The following IKBKB variants were observed in gnomAD, a reference collection of about 807,000 sequenced individuals.
IKBKB encodes the protein inhibitor of nuclear factor kappa B kinase subunit beta.
Under a neutral mutation model 113.6 loss-of-function variants are expected in IKBKB, and 42 were observed. That is an observed-to-expected ratio of 0.37 (90% CI 0.29 to 0.48). The LOEUF is 0.48. Ranked by LOEUF, IKBKB falls within the 20% of genes least tolerant of loss-of-function variation. The pLI is 0.99. For missense variants in IKBKB, 673 were observed against 939.7 expected (o/e 0.72, Z 3.71); for synonymous variants, 296 against 361.3 (o/e 0.82, Z 2.05).
Position 42,319,367 on chromosome 8 carries a change from A to G in IKBKB, c.1462A>G (p.Thr488Ala). 2 of 1,614,196 alleles carry G rather than the reference A, an allele frequency of 1.2e-6. No individual in the cohort carries two copies. Among genetic ancestry groups the G allele is most frequent in the East Asian group, 2.2e-5 (1 of 44,892 alleles). Residue 488 changes from threonine (T) to alanine (A), a missense_variant, in exon 14 of 22, where the codon ACC becomes GCC. Transcript: ENST00000520810. ...CAAGGCCAAGTTGGATTTCTTCAAA[A>G]CCAGCATCCAGATTGACCTGGAGAA... ...QLKAKLDFFK[T>A]SIQIDLEKYS...
intron 21 of IKBKB, chr8:42,330,059 C>T (rs530692609): frequency 1.0e-6 from 1 of 985,402 alleles, no homozygotes; most frequent in East Asian, 1.1e-4. Context: ...CAGTTCATTG[C>T]TTACTTGCAT....
chr8:42,308,868 G>A (rs1817102984), intron 7 of IKBKB, 33 bp from the exon 8 acceptor site: 8 of 1,610,256 alleles, frequency 5.0e-6, no homozygotes, highest in South Asian at 1.1e-5. Flanking sequence ...CCAGAGAGGA[G>A]CAGCTCAGGT....
Position 42,305,262 on chromosome 8 carries a change from A to C in IKBKB, c.464A>C (p.Gln155Pro). Residue 155 changes from glutamine to proline, a missense_variant, in exon 6 of 22, where the codon CAA (glutamine) becomes CCA (proline). Gln to Pro is a moderately conservative substitution (Grantham distance 76, BLOSUM62 -1). Transcript: ENST00000520810. Reference sequence around the variant, plus strand: ...AAGCCAGAAAACATCGTCCTGCAGCAAGGAGAACAGAGGGTAAGTGACCTC... The same window carrying C: ...AAGCCAGAAAACATCGTCCTGCAGCCAGGAGAACAGAGGGTAAGTGACCTC... Reference protein sequence around the residue: ...DLKPENIVLQQGEQRLIHKII... With the variant: ...DLKPENIVLQPGEQRLIHKII... The C allele has an allele frequency of 6.2e-7, 1 of 1,612,210 alleles. No homozygotes were observed. The highest frequency in any genetic ancestry group is 2.2e-5 in the East Asian group (1 of 44,862).
At chr8:42,282,430 C>T (rs540154297) in intron 2 of IKBKB, among the ~76,000 whole-genome samples, 1 of 152,310 alleles carries the variant, frequency 6.6e-6, no homozygotes, top group African/African-American at 2.4e-5. Flanking sequence ...TGGTCTCAAA[C>T]CCCCGGGCTC....
intron 2 of IKBKB, among the ~76,000 whole-genome samples, chr8:42,277,622 G>A (rs192311963): frequency 6.5e-4 from 99 of 152,232 alleles, no homozygotes; most frequent in Non-Finnish European, 1.2e-3. Flanking sequence ...CCCTCTTGCC[G>A]GACAGGCCTC....
chr8:42,274,001 A>T (rs1808379624), intron 2 of IKBKB, among the ~76,000 whole-genome samples: 1 of 152,088 alleles, frequency 6.6e-6, no homozygotes, highest in Non-Finnish European at 1.5e-5. Flanking sequence ...AACAGTCAAA[A>T]TTCTTTCTTC....
In IKBKB at chr8:42,288,737, C is replaced by T; in HGVS notation, c.200+9C>T. Reference sequence around the variant, plus strand: ...ATCCAGATCATGAGAAGGTGAGGGCCTCGCGCATAGGGACCCAAGGGAAAG... The same window carrying T: ...ATCCAGATCATGAGAAGGTGAGGGCTTCGCGCATAGGGACCCAAGGGAAAG... On this transcript the variant is annotated intron_variant, in intron 3 of 21. Transcript: ENST00000520810. 6.2e-7 allele frequency: 1 copy of T among 1,601,416 alleles called. No individual in the cohort carries two copies. The highest frequency in any genetic ancestry group is 8.5e-7 in the Non-Finnish European group (1 of 1,172,814).
intron 5 of IKBKB, among the ~76,000 whole-genome samples, chr8:42,295,116 C>CTTT (rs903163193): frequency 5.1e-4 from 58 of 113,776 alleles, no homozygotes; most frequent in East Asian, 7.2e-4. Context: ...TTACGAAAGT[C>CTTT]TTTTTTTTTT....
intron 2 of IKBKB, among the ~76,000 whole-genome samples, chr8:42,287,228 G>A (rs1010001012): frequency 2.0e-5 from 3 of 152,226 alleles, no homozygotes; most frequent in African/African-American, 2.4e-5. Flanking sequence ...AGGGGAGGCC[G>A]CCAGGAGCCA....
At chr8:42,300,789 T>G (rs917228172) in intron 5 of IKBKB, among the ~76,000 whole-genome samples, 5 of 152,218 alleles carry the variant, frequency 3.3e-5, no homozygotes, top group African/African-American at 1.2e-4. Flanking sequence ...TCTGTGGAAA[T>G]GTACTGTGTC....
At chr8:42,290,506 C>T (rs1353416661) in intron 4 of IKBKB, among the ~76,000 whole-genome samples, 2 of 152,106 alleles carry the variant, frequency 1.3e-5, no homozygotes, top group Non-Finnish European at 2.9e-5. Context: ...GGGCGTGCTG[C>T]ACACTCTGCT....
intron 20 of IKBKB, among the ~76,000 whole-genome samples, chr8:42,327,385 G>A (rs1011889157): frequency 5.5e-5 from 8 of 146,148 alleles, no homozygotes; most frequent in Non-Finnish European, 1.2e-4. Flanking sequence ...CCAGGCTGGA[G>A]TGCAGTGGCG....
intron 7 of IKBKB, among the ~76,000 whole-genome samples, chr8:42,307,566 A>G (rs1257476622): frequency 6.6e-6 from 1 of 152,182 alleles, no homozygotes; most frequent in Non-Finnish European, 1.5e-5. Flanking sequence ...AAGACTTGTC[A>G]TAGGTTGCTT....
At position 42,280,048 on chromosome 8, in the gene IKBKB, A is replaced by G. The variant is rs968072267; in HGVS notation, c.105+7843A>G. 8.6e-5 allele frequency among the ~76,000 whole-genome samples: 13 copies of G among 152,010 alleles called. 1 individual carries two copies. Among genetic ancestry groups the G allele is most frequent in the African/African-American group, 2.2e-4 (9 of 41,378 alleles). ...ATTTTTGTAGAGATGAGGTCTTTCT[A>G]TGTTGCCCAGGCTGGTCTGGAACTC... On this transcript the variant is annotated intron_variant, in intron 2 of 21. Transcript: ENST00000520810.
chr8:42,328,997 A>T, intron 20 of IKBKB, 127 bp from the exon 21 acceptor site: 1 of 677,700 alleles, frequency 1.5e-6, no homozygotes, highest in Non-Finnish European at 2.4e-6. Context: ...TAAGACACTC[A>T]GGATCAAAAT....
At chr8:42,290,070 C>T in intron 3 of IKBKB, 86 bp from the exon 4 acceptor site, 1 of 925,198 alleles carries the variant, frequency 1.1e-6, no homozygotes, top group Non-Finnish European at 1.7e-6. Flanking sequence ...TTATCCTGGG[C>T]CTTTGTTGCT....
intron 5 of IKBKB, among the ~76,000 whole-genome samples, chr8:42,301,168 T>C (rs1815134412): frequency 6.6e-6 from 1 of 152,254 alleles, no homozygotes. Flanking sequence ...CACTGTGTAG[T>C]TGTGAATAGC....
chr8:42,277,769 C>T (rs1039263707), intron 2 of IKBKB, among the ~76,000 whole-genome samples: 4 of 152,162 alleles, frequency 2.6e-5, no homozygotes, highest in East Asian at 1.9e-4. Context: ...TTCCTGTCTG[C>T]GTGTGGAGTA....
intron 5 of IKBKB, among the ~76,000 whole-genome samples, chr8:42,297,888 C>G (rs1814230735): frequency 6.6e-6 from 1 of 151,858 alleles, no homozygotes; most frequent in African/African-American, 2.4e-5. Context: ...GAGCGAGACT[C>G]TGTCTCAAAA....
Sources: gnomAD v4.1 joint callset for allele counts (sites outside exome capture counted in the v4.1 genomes callset) on GRCh38, gnomAD v4.1.1 for gene constraint, MANE v1.5 for transcripts, NCBI Gene and HGNC (gene_info 2026-07-23, HGNC 2026-07-21) for gene names.